The following EP400 variants were observed in gnomAD, a reference collection of about 807,000 sequenced individuals.
The protein encoded by EP400 is E1A-binding protein p400.
EP400 carries 105 observed loss-of-function variants against 354.1 expected under a neutral mutation model. The observed-to-expected ratio is 0.30, with a 90% CI of 0.25 to 0.35. The LOEUF (loss-of-function observed/expected upper bound fraction) is 0.35. EP400 is among the 10% of genes least tolerant of loss of function. The probability of loss-of-function intolerance (pLI) is 1.00; values close to 1 mark genes in which losing one functional copy is unlikely to be tolerated. For synonymous variants in EP400, 1,646 were observed against 1,716.9 expected, an observed-to-expected ratio of 0.96 and a Z score of 1.02; for missense variants, 3,280 against 4,121.0, an observed-to-expected ratio of 0.80 and a Z score of 5.59.
At chr12:131,982,983 A>T (rs77854163) in intron 5 of EP400, among the ~76,000 whole-genome samples, 9,964 of 149,504 alleles carry the variant, frequency 0.067, 367 homozygotes, top group Non-Finnish European at 0.08. Flanking sequence ...AAAAAAAAAA[A>T]AATAATAATA....
In EP400 at chr12:132,038,102, A is replaced by G. The variant is rs966809866; in HGVS notation, c.6207+6A>G. ...TTGCAAGACCTTTCATAGAGGTAAG[A>G]ATACATTGAATCTGGCTGAAGAGTT... On this transcript the variant is annotated splice_donor_region_variant and intron_variant, in intron 32 of 52. Coordinates refer to ENST00000389561, the MANE Select transcript of EP400 (RefSeq NM_015409.5). The surrounding 1 kb of genome is among the most constrained non-coding windows in gnomAD (Gnocchi z 4.2). The G allele has an allele frequency of 6.2e-7, 1 of 1,609,112 alleles. No individual in the cohort carries two copies. The highest frequency in any genetic ancestry group is 1.4e-5 in the African/African-American group (1 of 70,556).
In EP400 at chr12:132,030,071, T is replaced by C. The variant is rs1311695117; in HGVS notation, c.5667T>C (p.Leu1889=). The C allele has an allele frequency of 6.2e-7, 1 of 1,614,256 alleles. No individual in the cohort carries two copies. The highest frequency in any genetic ancestry group is 8.5e-7 in the Non-Finnish European group (1 of 1,180,038). ...TGCTGATTTTATCACAGATGATTCTTATGTTGGACATTTTAGAGATGTTCT... is the reference window on the plus strand; with the variant it reads ...TGCTGATTTTATCACAGATGATTCTCATGTTGGACATTTTAGAGATGTTCT... The part of the protein sequence containing the change: ...RRVLILSQMI[L]MLDILEMFLN... Residue 1889 remains leucine, a synonymous_variant, in exon 29 of 53, where the codon CTT becomes CTC. Transcript: ENST00000389561.
Position 131,960,574 on chromosome 12 carries a change from T to A in EP400, c.-35-11T>A. On this transcript the variant is annotated splice_polypyrimidine_tract_variant and intron_variant, in intron 1 of 52. Coordinates refer to ENST00000389561, the MANE Select transcript of EP400 (RefSeq NM_015409.5). ...GCCTTCAAGTGACTTGATTTTAATTTTAATTTTTAGGAGAACGACACATTG... is the reference window on the plus strand; with the variant it reads ...GCCTTCAAGTGACTTGATTTTAATTATAATTTTTAGGAGAACGACACATTG... The A allele has an allele frequency of 1.3e-6, 2 of 1,529,430 alleles. No individual in the cohort carries two copies. Among genetic ancestry groups the A allele is most frequent in the South Asian group, 1.2e-5 (1 of 81,216 alleles). 94.7% of individuals were successfully genotyped at this position (1,529,430 alleles called of 1,614,324 possible).
intron 11 of EP400, 116 bp downstream of exon 11, chr12:131,992,346 C>A: frequency 2.1e-6 from 2 of 941,080 alleles, no homozygotes; most frequent in Non-Finnish European, 3.2e-6. Context: ...AAAGCTCAAC[C>A]TTTGTATTTA....
rs138432962 is a variant in EP400, at chr12:131,979,821, G to A, written c.1435+28G>A. The stretch of plus-strand genomic sequence containing the variant: ...ACGTCGGCACGGCTAGCGTGGCCTC[G>A]GGAATGCCCCCCTCTCCTTGGGCTG... On this transcript the variant is annotated intron_variant, in intron 3 of 52. Coordinates refer to ENST00000389561, the MANE Select transcript of EP400 (RefSeq NM_015409.5). The A allele has an allele frequency of 2.8e-5, 44 of 1,561,078 alleles. No individual in the cohort carries two copies. In the South Asian group the frequency reaches 3.7e-4, roughly 13 times the overall value.
At chr12:132,026,888 A>T (rs886433853) in intron 25 of EP400, among the ~76,000 whole-genome samples, 1 of 152,216 alleles carries the variant, frequency 6.6e-6, no homozygotes, top group Admixed American at 6.5e-5. Flanking sequence ...ACTAAGTGGC[A>T]TGGCTTCTGC....
chr12:131,978,850 G>A (rs551318017), intron 2 of EP400, among the ~76,000 whole-genome samples: 141 of 152,158 alleles, frequency 9.3e-4, no homozygotes, highest in African/African-American at 3.3e-3. Context: ...AATAACATCT[G>A]TCTATTTATA....
chr12:132,065,015 A>G, intron 48 of EP400, 129 bp downstream of exon 48: 1 of 1,446,280 alleles, frequency 6.9e-7, no homozygotes, highest in Non-Finnish European at 9.1e-7. Context: ...TTCCCCGAGA[A>G]CTTAGTACCC....
In EP400 at chr12:132,077,869, T is replaced by A; in HGVS notation, c.*196T>A. ...AAATGGTCCTTATGGAGTGCCGCGT[T>A]CTCTGTACTACGTGGCTCATGGAAA... On this transcript the variant is annotated 3_prime_UTR_variant, in exon 53 of 53. Coordinates refer to ENST00000389561, the MANE Select transcript of EP400 (RefSeq NM_015409.5). The A allele has an allele frequency of 1.4e-6, 1 of 730,426 alleles. No individual in the cohort carries two copies. The highest frequency in any genetic ancestry group is 2.0e-5 in the South Asian group (1 of 50,450). The allele number at this position is 730,426 out of a possible 1,614,324, so 45.2% of individuals were successfully genotyped here.
rs759880354 is a variant in EP400 at position 132,006,784 on chromosome 12, A to G, written c.3211A>G (p.Arg1071Gly). 5.6e-6 allele frequency: 9 copies of G among 1,614,216 alleles called. No individual in the cohort carries two copies. The South Asian group carries it at 8.8e-5, about 16-fold the overall frequency. ...IGLDWLAKLY[R>G]KNLNGILADE... ...CCTGGACTGGCTGGCCAAACTTTAC[A>G]GGAAGAATCTCAATGGCATATTGGC... Residue 1071 changes from arginine (R) to glycine (G), a missense_variant, in exon 15 of 53, where the codon AGG becomes GGG. By Grantham distance (125) the Arg-to-Gly change is moderately radical. This residue lies in a region of EP400 where 242 missense variants were observed against 357.9 expected (regional missense o/e 0.68). Coordinates refer to ENST00000389561, the MANE Select transcript of EP400 (RefSeq NM_015409.5).
intron 30 of EP400, among the ~76,000 whole-genome samples, chr12:132,035,918 G>A (rs1398745286): frequency 1.4e-5 from 2 of 138,528 alleles, no homozygotes; most frequent in Non-Finnish European, 3.1e-5. Flanking sequence ...AGGTTCACAC[G>A]GAACGTCGTG....
intron 30 of EP400, among the ~76,000 whole-genome samples, chr12:132,036,877 T>G (rs1894736481): frequency 6.6e-6 from 1 of 152,216 alleles, no homozygotes; most frequent in Non-Finnish European, 1.5e-5. Flanking sequence ...TTTAGTTCCT[T>G]TGTTTGTGTC....
At chr12:132,064,405 G>T (rs966314110) in intron 47 of EP400, among the ~76,000 whole-genome samples, 1 of 152,216 alleles carries the variant, frequency 6.6e-6, no homozygotes, top group South Asian at 2.1e-4. Context: ...CGACTTGTTT[G>T]TGAGGATAAT....
intron 47 of EP400, among the ~76,000 whole-genome samples, chr12:132,063,422 AC>A (rs1336980461): frequency 6.6e-6 from 1 of 152,066 alleles, no homozygotes; most frequent in East Asian, 1.9e-4. Context: ...AATCGCTTGA[AC>A]CTGGAAGGCA....
intron 36 of EP400, 22 bp from the exon 37 acceptor site, chr12:132,044,778 G>A (rs1565927076): frequency 6.2e-7 from 1 of 1,614,086 alleles, no homozygotes; most frequent in Admixed American, 1.7e-5. Context: ...CACATCTCAT[G>A]GGCCTTCCCT....
intron 30 of EP400, among the ~76,000 whole-genome samples, chr12:132,034,765 C>T (rs1251235041): frequency 6.6e-6 from 1 of 152,176 alleles, no homozygotes; most frequent in Non-Finnish European, 1.5e-5. Context: ...TGCTCCCACG[C>T]CTGACCATGG....
rs1288771763 is a variant in EP400, at chr12:132,050,404, C to T, written c.7282C>T (p.His2428Tyr). The stretch of plus-strand genomic sequence containing the variant: ...CACACACACCCAGCTGTACACGAGC[C>T]ACTTTGACTTAATGAAAATGACTGC... ...NATHTQLYTSHFDLMKMTAGK... is the reference protein window; with the variant it reads ...NATHTQLYTSYFDLMKMTAGK... Residue 2428 changes from histidine (H) to tyrosine (Y), a missense_variant, in exon 40 of 53, where the codon CAC becomes TAC. Physicochemically the swap from His to Tyr is moderately conservative, Grantham distance 83 (BLOSUM62 2). Around this residue, in one of 20 missense-constraint regions of EP400, gnomAD observed 84 missense variants for 133.0 expected, o/e 0.63. Transcript: ENST00000389561. This position sits in a 1 kb window ranked among gnomAD's most constrained non-coding sequence, Gnocchi z 4.8. 6.2e-7 allele frequency: 1 copy of T among 1,614,156 alleles called. No homozygotes were observed. The highest frequency in any genetic ancestry group is 1.1e-5 in the South Asian group (1 of 91,088).
Position 131,981,603 on chromosome 12 carries a change from C to A in EP400, c.1543+7C>A. 1 of 1,589,206 alleles carries A rather than the reference C, an allele frequency of 6.3e-7. No homozygotes were observed. The highest frequency in any genetic ancestry group is 8.6e-7 in the Non-Finnish European group (1 of 1,167,676). On this transcript the variant is annotated splice_region_variant and intron_variant, in intron 4 of 52. Coordinates refer to ENST00000389561, the MANE Select transcript of EP400 (RefSeq NM_015409.5). ...CTAATGCCGACCGCACAAGGTAAGG[C>A]CCAGCAGCAGAGCCAGCTCCCCGCT...
rs1466107111 is a variant in EP400, at chr12:131,986,817, C to T, written c.2223+10C>T. The T allele has an allele frequency of 3.3e-5, 53 of 1,586,720 alleles. No homozygotes were observed. Among genetic ancestry groups the T allele is most frequent in the Non-Finnish European group, 4.5e-5 (53 of 1,166,046 alleles). The stretch of plus-strand genomic sequence containing the variant: ...AGAACAAATAACTCTGGTAAGCATG[C>T]TTAAGAAAGTTGTAAAATGTACTCC... On this transcript the variant is annotated intron_variant, in intron 6 of 52. Transcript: ENST00000389561.
Sources: gnomAD v4.1 joint callset for allele counts (sites outside exome capture counted in the v4.1 genomes callset) on GRCh38, gnomAD v4.1.1 for gene constraint, gnomAD v4.1.1 regional missense constraint, Gnocchi (gnomAD v3.1) non-coding constraint, MANE v1.5 for transcripts, NCBI Gene and HGNC (gene_info 2026-07-23, HGNC 2026-07-21) for gene names.